The following AGBL4 variants were observed in gnomAD, a reference collection of about 807,000 sequenced individuals.
The protein encoded by AGBL4 is AGBL carboxypeptidase 4.
In AGBL4, 58 loss-of-function variants were observed where a neutral mutation model predicts 66.4. That is an observed-to-expected ratio of 0.87 (90% CI 0.71 to 1.09). The LOEUF is 1.09. AGBL4 is among the 50% of genes least tolerant of loss of function. AGBL4 has a pLI of 0.00. For missense variants in AGBL4, 579 were observed against 631.0 expected, an observed-to-expected ratio of 0.92 and a Z score of 0.88; for synonymous variants, 234 against 222.9, an observed-to-expected ratio of 1.05 and a Z score of -0.44.
At chr1:48,531,107 CT>C (rs538692459), downstream of AGBL4, among the ~76,000 whole-genome samples, 22 of 152,296 alleles carry the variant, frequency 1.4e-4, 1 homozygote, top group South Asian at 4.6e-3. Flanking sequence ...CCCCTGGGCT[CT>C]TGCTCAGTCC....
intron 3 of AGBL4, among the ~76,000 whole-genome samples, chr1:49,686,213 T>C (rs981885841): frequency 7.2e-5 from 11 of 152,182 alleles, no homozygotes; most frequent in Admixed American, 2.6e-4. Flanking sequence ...GTTATAGATA[T>C]GTGGCTTTAT....
chr1:49,282,932 C>T (rs561522544), intron 3 of AGBL4, among the ~76,000 whole-genome samples: 5 of 152,232 alleles, frequency 3.3e-5, no homozygotes, highest in African/African-American at 9.6e-5. Context: ...AAGGCGGCAG[C>T]GAGGCTGGGG....
chr1:49,401,944 C>T (rs545190311), intron 3 of AGBL4, among the ~76,000 whole-genome samples: 3 of 152,060 alleles, frequency 2.0e-5, no homozygotes, highest in Admixed American at 6.6e-5. Context: ...ATTTCTTCTA[C>T]ATTTTCTAAT....
intron 2 of AGBL4, among the ~76,000 whole-genome samples, chr1:49,726,380 G>C (rs1482682794): frequency 6.6e-6 from 1 of 152,084 alleles, no homozygotes; most frequent in Non-Finnish European, 1.5e-5. Flanking sequence ...GGTCTGCAGT[G>C]CCATTAAAGA....
chr1:49,011,502 A>G (rs534008653), intron 5 of AGBL4, among the ~76,000 whole-genome samples: 3 of 152,316 alleles, frequency 2.0e-5, no homozygotes, highest in South Asian at 4.1e-4. Flanking sequence ...AACTAGAAAT[A>G]CCATTTAACC....
At chr1:49,462,391 G>T (rs10489426) in intron 3 of AGBL4, among the ~76,000 whole-genome samples, 3,480 of 151,772 alleles carry the variant, frequency 0.023, 144 homozygotes, top group African/African-American at 0.08. Context: ...TGGTAGGAGA[G>T]TGAGGAACCA....
At chr1:48,550,500 T>C (rs906975406) in intron 11 of AGBL4, among the ~76,000 whole-genome samples, 4 of 152,108 alleles carry the variant, frequency 2.6e-5, no homozygotes, top group South Asian at 2.1e-4. Context: ...TTAGGACCTA[T>C]CCAGATAATC....
At chr1:49,081,470 G>A (rs1644807339) in intron 4 of AGBL4, among the ~76,000 whole-genome samples, 1 of 152,220 alleles carries the variant, frequency 6.6e-6, no homozygotes, top group African/African-American at 2.4e-5. Context: ...TTCTACTACA[G>A]TGCTTGACAC....
chr1:48,560,688 A>G (rs1032196992), intron 11 of AGBL4, among the ~76,000 whole-genome samples: 5 of 152,186 alleles, frequency 3.3e-5, no homozygotes, highest in Non-Finnish European at 5.9e-5. Context: ...GTGATGTTGA[A>G]CAAGTCATTT....
intron 7 of AGBL4, among the ~76,000 whole-genome samples, chr1:48,655,915 A>G (rs1646012358): frequency 6.6e-6 from 1 of 152,244 alleles, no homozygotes; most frequent in Admixed American, 6.5e-5. Flanking sequence ...TACTTCCTAC[A>G]CTGACATTGT....
intron 3 of AGBL4, among the ~76,000 whole-genome samples, chr1:49,269,470 A>G (rs1644005959): frequency 6.6e-6 from 1 of 152,182 alleles, no homozygotes. Flanking sequence ...AATTGATACA[A>G]CCAGGCCTTT....
In AGBL4 at chr1:49,282,739, C is replaced by T. The variant is rs973254831; in HGVS notation, c.283-36875G>A. On this transcript the variant is annotated intron_variant, in intron 3 of 13. Transcript: ENST00000371839. ...GCAAGGGGTCAGGGAGTTCCCTTTA[C>T]GAGTCAAAGAAAGGGGTGACAGACG... is the stretch of plus-strand genomic sequence containing the variant. Among the ~76,000 whole-genome samples the T allele has an allele frequency of 7.9e-5, 12 of 152,258 alleles. No homozygotes were observed. In the South Asian group the frequency reaches 1.0e-3, roughly 13 times the overall value.
chr1:49,715,228 T>C (rs974136306), intron 2 of AGBL4, among the ~76,000 whole-genome samples: 3 of 152,180 alleles, frequency 2.0e-5, no homozygotes, highest in Admixed American at 1.3e-4. Context: ...TGGTTTTCTG[T>C]TCCTGTGTTA....
chr1:49,619,392 C>T (rs1645312510), intron 3 of AGBL4, among the ~76,000 whole-genome samples: 2 of 152,132 alleles, frequency 1.3e-5, no homozygotes, highest in African/African-American at 4.8e-5. Context: ...GAATAAAATA[C>T]CTAGGAATCC....
chr1:49,621,193 G>A, intron 3 of AGBL4, among the ~76,000 whole-genome samples: 1 of 152,026 alleles, frequency 6.6e-6, no homozygotes, highest in East Asian at 1.9e-4. Flanking sequence ...TCCTCAACAA[G>A]GCCATTTTTA....
chr1:49,306,153 G>A (rs746510558), intron 3 of AGBL4, among the ~76,000 whole-genome samples: 1 of 152,140 alleles, frequency 6.6e-6, no homozygotes, highest in Non-Finnish European at 1.5e-5. Flanking sequence ...CAATTGCTGA[G>A]CATAGACAAT....
At chr1:49,939,607 A>T (rs948638374) in intron 1 of AGBL4, among the ~76,000 whole-genome samples, 1 of 152,204 alleles carries the variant, frequency 6.6e-6, no homozygotes, top group African/African-American at 2.4e-5. Context: ...TGGGGAAAGG[A>T]TTCCCTATTT....
intron 3 of AGBL4, among the ~76,000 whole-genome samples, chr1:49,543,766 T>C (rs1384265188): frequency 6.6e-6 from 1 of 152,172 alleles, no homozygotes; most frequent in Non-Finnish European, 1.5e-5. Context: ...TGATTACTGA[T>C]TTGCTGGTGC....
intron 3 of AGBL4, among the ~76,000 whole-genome samples, chr1:49,475,661 T>C (rs1646831980): frequency 6.6e-6 from 1 of 152,008 alleles, no homozygotes; most frequent in African/African-American, 2.4e-5. Flanking sequence ...TCTTCCAAAG[T>C]TGTGTGTTTC....
Sources: gnomAD v4.1 joint callset for allele counts (sites outside exome capture counted in the v4.1 genomes callset) on GRCh38, gnomAD v4.1.1 for gene constraint, MANE v1.5 for transcripts, NCBI Gene and HGNC (gene_info 2026-07-23, HGNC 2026-07-21) for gene names.